TEF: variants seen among roughly 807,000 people sequenced by gnomAD.
TEF encodes TEF transcription factor, PAR bZIP family member.
A neutral mutation model predicts 20.8 loss-of-function variants in TEF; 3 were observed. The observed-to-expected ratio is 0.14, with a 90% CI of 0.07 to 0.37. The LOEUF (loss-of-function observed/expected upper bound fraction) is 0.37, where lower values mean the gene tolerates loss of function less well. Among genes scored for constraint, TEF ranks in the 10% least tolerant of loss-of-function variants. The pLI, the probability that TEF is intolerant of heterozygous loss-of-function variation, is 1.00. For missense variants in TEF, 296 were observed against 397.9 expected, an observed-to-expected ratio of 0.74 and a Z score of 2.18; for synonymous variants, 180 against 171.1, an observed-to-expected ratio of 1.05 and a Z score of -0.41.
Position 41,396,284 on chromosome 22 carries a change from G to C in TEF, c.*324G>C, listed in dbSNP as rs1049023843. 2 of 287,194 alleles carry C rather than the reference G, an allele frequency of 7.0e-6. No individual in the cohort carries two copies. Among genetic ancestry groups the C allele is most frequent in the Non-Finnish European group, 1.3e-5 (2 of 150,032 alleles). 17.8% of individuals were successfully genotyped at this position (287,194 alleles called of 1,614,324 possible). A position where few individuals can be genotyped will look rare whatever the true frequency, so the allele number is the denominator to read the frequency against. ...ACACACCTCTCTCCTGGGCGCTCAG[G>C]GTCCCTGGACTCTCCCTCAGTCTCC... On this transcript the variant is annotated 3_prime_UTR_variant, in exon 4 of 4. Coordinates refer to ENST00000266304, the MANE Select transcript of TEF (RefSeq NM_003216.4).
intron 1 of TEF, 132 bp from the exon 2 acceptor site, chr22:41,387,219 A>G: frequency 1.0e-6 from 1 of 958,108 alleles, no homozygotes; most frequent in Non-Finnish European, 1.6e-6. Context: ...AGAATAGAGT[A>G]GGTTCTTGAA....
chr22:41,388,080 C>T (rs548823202), intron 2 of TEF, among the ~76,000 whole-genome samples: 3 of 148,226 alleles, frequency 2.0e-5, no homozygotes, highest in Non-Finnish European at 4.4e-5. Context: ...TCACTGCCAC[C>T]TCCACCTCCT....
rs192220582 is a variant in TEF at position 41,371,266 on chromosome 22, C to T, written c.67+3667C>T. Among the ~76,000 whole-genome samples, 24 of 152,366 alleles carry T rather than the reference C, an allele frequency of 1.6e-4. No homozygotes were observed. The East Asian group carries it at 4.4e-3, about 28-fold the overall frequency. ...CCTCCTCCCATTTTCTTGCCATCTC[C>T]GGTCACTCAGGCCTCCGTTTCAGGG... On this transcript the variant is annotated intron_variant, in intron 1 of 3. Coordinates refer to the TEF transcript ENST00000406644.
Position 41,382,032 on chromosome 22 carries a change from A to T in TEF, c.-13A>T, listed in dbSNP as rs754058932. On this transcript the variant is annotated 5_prime_UTR_variant, in exon 1 of 4. Transcript: ENST00000266304. ...CGGGGGAGGCGAGGTGCGCGAGCCGAGTCCGGGGCACGATGTCCGACGCGG... is the reference window on the plus strand; with the variant it reads ...CGGGGGAGGCGAGGTGCGCGAGCCGTGTCCGGGGCACGATGTCCGACGCGG... The T allele has an allele frequency of 1.0e-4, 123 of 1,230,198 alleles. No individual in the cohort carries two copies. The highest frequency in any genetic ancestry group is 1.6e-4 in the South Asian group (4 of 24,296). The allele number at this position is 1,230,198 out of a possible 1,614,324, so 76.2% of individuals were successfully genotyped here. A position where few individuals can be genotyped will look rare whatever the true frequency, so the allele number is the denominator to read the frequency against.
upstream of TEF, among the ~76,000 whole-genome samples, chr22:41,378,721 C>T (rs2036978308): frequency 6.6e-6 from 1 of 152,026 alleles, no homozygotes; most frequent in African/African-American, 2.4e-5. Context: ...ATCCGCCTGC[C>T]TCAGCCTCCC....
intron 1 of TEF, chr22:41,370,263 C>T (rs765069439): frequency 4.7e-4 from 96 of 206,292 alleles, no homozygotes; most frequent in Non-Finnish European, 7.2e-4. Flanking sequence ...TACAGGCGCC[C>T]GCCACCACGC....
At chr22:41,375,477 G>T (rs957671611) in intron 1 of TEF, among the ~76,000 whole-genome samples, 2 of 152,124 alleles carry the variant, frequency 1.3e-5, no homozygotes, top group African/African-American at 4.8e-5. Context: ...GCGGCCGGGC[G>T]TGGTGGCACA....
intron 3 of TEF, among the ~76,000 whole-genome samples, chr22:41,395,518 CCTT>C (rs983888548): frequency 2.0e-5 from 3 of 152,122 alleles, no homozygotes; most frequent in Non-Finnish European, 4.4e-5. Context: ...AGATGAGTCT[CCTT>C]CTCTTCACCA....
intron 1 of TEF, among the ~76,000 whole-genome samples, chr22:41,369,744 C>T (rs1440446675): frequency 6.6e-6 from 1 of 152,196 alleles, no homozygotes; most frequent in Non-Finnish European, 1.5e-5. Context: ...GAAGTGGCTT[C>T]TCTTCCATCT....
chr22:41,380,432 G>C (rs1248699853), upstream of TEF, among the ~76,000 whole-genome samples: 1 of 152,232 alleles, frequency 6.6e-6, no homozygotes, highest in Non-Finnish European at 1.5e-5. Flanking sequence ...CGGGATTACA[G>C]GCGTGAGTCA....
Position 41,394,331 on chromosome 22 carries a change from C to T in TEF, c.696+15C>T, listed in dbSNP as rs779915359. 19 of 1,609,100 alleles carry T rather than the reference C, an allele frequency of 1.2e-5. No homozygotes were observed. In the African/African-American group the frequency reaches 2.3e-4, roughly 19 times the overall value. On this transcript the variant is annotated intron_variant, in intron 3 of 3. Transcript: ENST00000266304. ...ACGAGCAGAAGGTAACCTGGTATTC[C>T]TTATAAATAAAGATGCAGCGTTGGT... is the stretch of plus-strand genomic sequence containing the variant.
chr22:41,389,604 C>A (rs1401128893), intron 2 of TEF, among the ~76,000 whole-genome samples: 1 of 151,778 alleles, frequency 6.6e-6, no homozygotes, highest in African/African-American at 2.4e-5. Flanking sequence ...GGTGACAGAG[C>A]AAGACTCCAT....
chr22:41,384,887 G>C (rs1308911905), intron 1 of TEF, among the ~76,000 whole-genome samples: 2 of 152,098 alleles, frequency 1.3e-5, no homozygotes, highest in African/African-American at 4.8e-5. Flanking sequence ...CCAAGTAGCT[G>C]GGATTACAGG....
In TEF at chr22:41,382,176, G is replaced by C. The variant is rs1277139312; in HGVS notation, c.132G>C (p.Glu44Asp). Residue 44 changes from glutamate (E) to aspartate (D), a missense_variant, in exon 1 of 4, where the codon GAG (glutamate) becomes GAC (aspartate). By Grantham distance (45) the Glu-to-Asp change is conservative (BLOSUM62 2). This residue lies in a region of TEF where 102 missense variants were observed against 80.1 expected (regional missense o/e 1.27). Coordinates refer to ENST00000266304, the MANE Select transcript of TEF (RefSeq NM_003216.4). ...SFPLVLKKLM[E>D]NPPREARLDK... ...CCCTGGTCCTGAAGAAGCTGATGGA[G>C]AACCCCCCGCGCGAGGCGCGCCTCG... 8.3e-7 allele frequency: 1 copy of C among 1,209,464 alleles called. No individual in the cohort carries two copies. The highest frequency in any genetic ancestry group is 1.0e-6 in the Non-Finnish European group (1 of 974,940). 74.9% of individuals were successfully genotyped at this position (1,209,464 alleles called of 1,614,324 possible).
chr22:41,394,980 A>T (rs1569258659), intron 3 of TEF, among the ~76,000 whole-genome samples: 1 of 152,132 alleles, frequency 6.6e-6, no homozygotes, highest in Non-Finnish European at 1.5e-5. Context: ...ACTGTAGGCC[A>T]GGCACTGATT....
At chr22:41,369,959 T>G in intron 1 of TEF, 1 of 985,438 alleles carries the variant, frequency 1.0e-6, no homozygotes, top group Non-Finnish European at 1.2e-6. Flanking sequence ...ATGGCTGTGC[T>G]TCGGCACACA....
chr22:41,392,636 T>G (rs962308345), intron 2 of TEF, among the ~76,000 whole-genome samples: 1 of 120,776 alleles, frequency 8.3e-6, no homozygotes, highest in African/African-American at 3.3e-5. Flanking sequence ...ATCACGCCAC[T>G]ACACTCCACC....
rs961655216 is a variant in TEF at position 41,398,185 on chromosome 22, G to T, written c.*2225G>T. 1 of 152,476 alleles carries T rather than the reference G, an allele frequency of 6.6e-6. No individual in the cohort carries two copies. Among genetic ancestry groups the T allele is most frequent in the African/African-American group, 2.4e-5 (1 of 41,438 alleles). 9.4% of individuals were successfully genotyped at this position (152,476 alleles called of 1,614,324 possible). A position where few individuals can be genotyped will look rare whatever the true frequency, so the allele number is the denominator to read the frequency against. On this transcript the variant is annotated 3_prime_UTR_variant, in exon 4 of 4. Coordinates refer to ENST00000266304, the MANE Select transcript of TEF (RefSeq NM_003216.4). ...GATGTCCACAGAGGCTGACCTGTGGGGGAAAAGAAGTGCTCAGGTAAGGTT... is the reference window on the plus strand; with the variant it reads ...GATGTCCACAGAGGCTGACCTGTGGTGGAAAAGAAGTGCTCAGGTAAGGTT...
chr22:41,394,295 C>A lies in TEF; in HGVS notation c.675C>A (p.Val225=). 6.2e-7 allele frequency: 1 copy of A among 1,614,010 alleles called. No homozygotes were observed. The highest frequency in any genetic ancestry group is 8.5e-7 in the Non-Finnish European group (1 of 1,180,004). The stretch of plus-strand genomic sequence containing the variant: ...CTATGATCAAAAAGGCCAAGAAGGT[C>A]TTTGTCCCCGACGAGCAGAAGGTAA... The part of the protein sequence containing the change: ...PQPMIKKAKK[V]FVPDEQKDEK... The change falls in exon 3 of 4, where the codon GTC becomes GTA. Residue 225 remains valine (V), a synonymous_variant. Coordinates refer to ENST00000266304, the MANE Select transcript of TEF (RefSeq NM_003216.4).
Sources: gnomAD v4.1 joint callset for allele counts (sites outside exome capture counted in the v4.1 genomes callset) on GRCh38, gnomAD v4.1.1 for gene constraint, gnomAD v4.1.1 regional missense constraint, MANE v1.5 for transcripts, NCBI Gene and HGNC (gene_info 2026-07-23, HGNC 2026-07-21) for gene names.